PCNX3: variants seen among roughly 807,000 people sequenced by gnomAD.
The protein encoded by PCNX3 is pecanex-like protein 3.
Under a neutral mutation model 207.2 loss-of-function variants are expected in PCNX3, and 58 were observed. The ratio of observed to expected loss-of-function variants is 0.28; its 90% CI spans 0.23 to 0.35. The LOEUF is 0.35. Among genes scored for constraint, PCNX3 ranks in the 10% least tolerant of loss-of-function variants. The pLI, the probability that PCNX3 is intolerant of heterozygous loss-of-function variation, is 1.00. For synonymous variants in PCNX3, 1,337 were observed against 1,183.5 expected (o/e 1.13, Z -2.66); for missense variants, 2,410 against 2,774.4 (o/e 0.87, Z 2.95).
intron 27 of PCNX3, among the ~76,000 whole-genome samples, chr11:65,632,315 G>C (rs1277393275): frequency 2.0e-5 from 3 of 151,784 alleles, no homozygotes; most frequent in Non-Finnish European, 4.4e-5. Context: ...GGTGGGGCGG[G>C]GGGAGGCGGG....
At position 65,636,877 on chromosome 11, in the gene PCNX3, C is replaced by T; in HGVS notation, c.6004C>T (p.Pro2002Ser). ...QDIPCLDSSA[P>S]ESGTPMGALG... Reference sequence around the variant, plus strand: ...CATTCCTTGCTTGGACAGCAGTGCCCCTGAGAGTGGCACACCTATGGGTGC... The same window carrying T: ...CATTCCTTGCTTGGACAGCAGTGCCTCTGAGAGTGGCACACCTATGGGTGC... Residue 2002 changes from proline (P) to serine (S), a missense_variant, in exon 35 of 35, where the codon CCT (proline) becomes TCT (serine). Physicochemically the swap from Pro to Ser is moderately conservative, Grantham distance 74 (BLOSUM62 -1). This residue lies in a region of PCNX3 where 278 missense variants were observed against 245.1 expected (regional missense o/e 1.13). Coordinates refer to ENST00000355703, the MANE Select transcript of PCNX3 (RefSeq NM_032223.4). 1 of 1,552,536 alleles carries T rather than the reference C, an allele frequency of 6.4e-7. No individual in the cohort carries two copies. Among genetic ancestry groups the T allele is most frequent in the Non-Finnish European group, 8.7e-7 (1 of 1,147,804 alleles).
chr11:65,629,405 C>G lies in PCNX3; in HGVS notation c.3990C>G (p.Asp1330Glu), dbSNP rs375285938. 1.9e-6 allele frequency: 3 copies of G among 1,612,328 alleles called. No individual in the cohort carries two copies. The South Asian group carries it at 3.3e-5, about 18-fold the overall frequency. ...ACACCCGCCTGGTCACACAGCTGGA[C>G]AGGAACCCTGGTGTGTACCCAGCCA... ...HSNTRLVTQLDRNPGADDNNL... is the reference protein window; with the variant it reads ...HSNTRLVTQLERNPGADDNNL... The change falls in exon 25 of 35, where the codon GAC becomes GAG. Residue 1330 changes from aspartate to glutamate, a missense_variant. Coordinates refer to ENST00000355703, the MANE Select transcript of PCNX3 (RefSeq NM_032223.4).
At position 65,617,896 on chromosome 11, in the gene PCNX3, C is replaced by T. The variant is rs377443409; in HGVS notation, c.578-44C>T. The T allele has an allele frequency of 2.6e-6, 4 of 1,524,362 alleles. No individual in the cohort carries two copies. The East Asian group carries it at 7.0e-5, about 27-fold the overall frequency. 94.4% of individuals were successfully genotyped at this position (1,524,362 alleles called of 1,614,324 possible). A position where few individuals can be genotyped will look rare whatever the true frequency, so the allele number is the denominator to read the frequency against. The stretch of plus-strand genomic sequence containing the variant: ...CTCCCTTAACCACTAGTTTGTTTTG[C>T]AGAAAACCCTTTTTTCATTTTCTGT... On this transcript the variant is annotated intron_variant, in intron 5 of 34. Coordinates refer to ENST00000355703, the MANE Select transcript of PCNX3 (RefSeq NM_032223.4).
intron 11 of PCNX3, among the ~76,000 whole-genome samples, chr11:65,622,694 C>T (rs1394367172): frequency 6.6e-6 from 1 of 152,190 alleles, no homozygotes; most frequent in African/African-American, 2.4e-5. Flanking sequence ...CTCCCAGGTT[C>T]ACGCCATTCT....
Position 65,628,637 on chromosome 11 carries a change from A to C in PCNX3, c.3745A>C (p.Ile1249Leu), listed in dbSNP as rs1565166963. The change falls in exon 23 of 35, where the codon ATC (isoleucine) becomes CTC (leucine). Residue 1249 changes from isoleucine to leucine, a missense_variant. Ile to Leu is a conservative substitution (Grantham distance 5). This residue lies in a region of PCNX3 where 420 missense variants were observed against 705.3 expected (regional missense o/e 0.60). Coordinates refer to ENST00000355703, the MANE Select transcript of PCNX3 (RefSeq NM_032223.4). ...CAAGCTGCGTTTCGTGCTGACCTAC[A>C]TCGCGCCCTGGCAGATCACCTGGGG... ...LYKLRFVLTY[I>L]APWQITWGSA... 1 of 1,613,556 alleles carries C rather than the reference A, an allele frequency of 6.2e-7. No individual in the cohort carries two copies. Among genetic ancestry groups the C allele is most frequent in the Admixed American group, 1.7e-5 (1 of 60,010 alleles).
chr11:65,623,005 AG>A (rs1326315688), intron 11 of PCNX3, among the ~76,000 whole-genome samples: 3 of 151,698 alleles, frequency 2.0e-5, no homozygotes, highest in African/African-American at 7.3e-5. Context: ...CATTTCTCAG[AG>A]GGGACACAGA....
intron 11 of PCNX3, 48 bp downstream of exon 11, chr11:65,622,414 C>T: frequency 6.4e-7 from 1 of 1,555,556 alleles, no homozygotes; most frequent in South Asian, 1.2e-5. Flanking sequence ...AGCCCCTGGA[C>T]CTTGGCTCCC....
At position 65,630,547 on chromosome 11, in the gene PCNX3, T is replaced by G. The variant is rs550092464; in HGVS notation, c.4413T>G (p.Ala1471=). ...GCTATAGCATTAGTGACAATAATGC[T>G]GCCTCCATGCTGCAGGTTTTCGACC... ...LEGYSISDNN[A]ASMLQVFDLR... The change falls in exon 27 of 35, where the codon GCT becomes GCG. Residue 1471 remains alanine, a synonymous_variant. Coordinates refer to ENST00000355703, the MANE Select transcript of PCNX3 (RefSeq NM_032223.4). 6.2e-7 allele frequency: 1 copy of G among 1,613,314 alleles called. No homozygotes were observed. Among genetic ancestry groups the G allele is most frequent in the Non-Finnish European group, 8.5e-7 (1 of 1,179,626 alleles).
At chr11:65,620,787 A>G (rs1354316949) in intron 9 of PCNX3, 44 bp from the exon 10 acceptor site, 1 of 1,578,360 alleles carries the variant, frequency 6.3e-7, no homozygotes. Context: ...ACCCAGCCCC[A>G]GGGCTCGCCC....
chr11:65,628,431 G>A (rs1028962888), intron 22 of PCNX3, among the ~76,000 whole-genome samples, 164 bp from the exon 23 acceptor site: 4 of 152,138 alleles, frequency 2.6e-5, no homozygotes, highest in African/African-American at 4.8e-5. Context: ...GGCATCAGGC[G>A]CCTTGAGCCA....
rs376762933 is a variant in PCNX3, at chr11:65,625,769, G to T, written c.3228+25G>T. 4.6e-5 allele frequency: 74 copies of T among 1,603,258 alleles called. 1 individual carries two copies. The South Asian group carries it at 6.9e-4, about 15-fold the overall frequency. ...GGTTTGTGTGGCATGGGCCGCTGCTGCCTCTCGCTGTCTTGGCGGGAGCCT... is the reference window on the plus strand; with the variant it reads ...GGTTTGTGTGGCATGGGCCGCTGCTTCCTCTCGCTGTCTTGGCGGGAGCCT... On this transcript the variant is annotated intron_variant, in intron 19 of 34. Coordinates refer to ENST00000355703, the MANE Select transcript of PCNX3 (RefSeq NM_032223.4). The surrounding 1 kb of genome is among the most constrained non-coding windows in gnomAD (Gnocchi z 5.6).
chr11:65,624,682 C>A, intron 15 of PCNX3, 101 bp downstream of exon 15: 1 of 1,133,396 alleles, frequency 8.8e-7, no homozygotes, highest in Non-Finnish European at 1.3e-6. Context: ...CCTTCTCCTG[C>A]GTCTGTACTG....
chr11:65,621,414 A>G (rs943491322), intron 10 of PCNX3, among the ~76,000 whole-genome samples: 3 of 152,160 alleles, frequency 2.0e-5, no homozygotes, highest in Non-Finnish European at 4.4e-5. Flanking sequence ...TAAGAATATC[A>G]CAGTTTGGAC....
In PCNX3 at chr11:65,618,598, G is replaced by A; in HGVS notation, c.1236G>A (p.Leu412=). 6.2e-7 allele frequency: 1 copy of A among 1,612,278 alleles called. No individual in the cohort carries two copies. The highest frequency in any genetic ancestry group is 8.5e-7 in the Non-Finnish European group (1 of 1,179,810). The stretch of plus-strand genomic sequence containing the variant: ...CTGGCCGTGCCCCTCGACGGCCCCT[G>A]CTTGAAGGTGGGGGCTTCTTTGAGG... ...SPPGRAPRRP[L]LEGGGFFEDE... Residue 412 remains leucine (L), a synonymous_variant, in exon 6 of 35, where the codon CTG becomes CTA. Coordinates refer to ENST00000355703, the MANE Select transcript of PCNX3 (RefSeq NM_032223.4).
chr11:65,620,701 C>G, intron 9 of PCNX3, 130 bp from the exon 10 acceptor site: 1 of 1,276,876 alleles, frequency 7.8e-7, no homozygotes, highest in Middle Eastern at 2.0e-4. Flanking sequence ...CTGACCCCAG[C>G]ACTTGTCCCT....
At position 65,620,824 on chromosome 11, in the gene PCNX3, C is replaced by G; in HGVS notation, c.2100-7C>G. 1.3e-6 allele frequency: 2 copies of G among 1,594,856 alleles called. No homozygotes were observed. The highest frequency in any genetic ancestry group is 1.7e-6 in the Non-Finnish European group (2 of 1,171,846). ...TGGGGGGATCCTGATGGCTGCTGTT[C>G]TCACAGGGACCGACACTCGCATTCC... On this transcript the variant is annotated splice_region_variant and splice_polypyrimidine_tract_variant and intron_variant, in intron 9 of 34. Transcript: ENST00000355703.
In PCNX3 at chr11:65,618,280, C is replaced by G; in HGVS notation, c.918C>G (p.Asp306Glu). 1.9e-6 allele frequency: 3 copies of G among 1,610,344 alleles called. No individual in the cohort carries two copies. The highest frequency in any genetic ancestry group is 2.5e-6 in the Non-Finnish European group (3 of 1,178,150). The change falls in exon 6 of 35, where the codon GAC (aspartate) becomes GAG (glutamate). Residue 306 changes from aspartate to glutamate, a missense_variant. Physicochemically the swap from Asp to Glu is conservative, Grantham distance 45. Coordinates refer to ENST00000355703, the MANE Select transcript of PCNX3 (RefSeq NM_032223.4). Reference sequence around the variant, plus strand: ...CAGACTCCTGCTTCAGCGGCACTGACAGGGAGACATTGAGCAGCTTCAAGA... The same window carrying G: ...CAGACTCCTGCTTCAGCGGCACTGAGAGGGAGACATTGAGCAGCTTCAAGA... Reference protein sequence around the residue: ...GSSDSCFSGTDRETLSSFKSE... With the variant: ...GSSDSCFSGTERETLSSFKSE...
intron 12 of PCNX3, 108 bp downstream of exon 12, chr11:65,623,752 T>G (rs1855233178): frequency 6.5e-7 from 1 of 1,535,082 alleles, no homozygotes; most frequent in South Asian, 1.2e-5. Context: ...ATAATTTGTC[T>G]AAGGTTCCCT....
At position 65,619,597 on chromosome 11, in the gene PCNX3, G is replaced by T; in HGVS notation, c.1766G>T (p.Arg589Leu). The T allele has an allele frequency of 6.2e-7, 1 of 1,607,378 alleles. No individual in the cohort carries two copies. Among genetic ancestry groups the T allele is most frequent in the Non-Finnish European group, 8.5e-7 (1 of 1,178,930 alleles). Residue 589 changes from arginine to leucine, a missense_variant, in exon 7 of 35, where the codon CGG (arginine) becomes CTG (leucine). Physicochemically the swap from Arg to Leu is moderately radical, Grantham distance 102. Around this residue, in one of 8 missense-constraint regions of PCNX3, gnomAD observed 1,104 missense variants for 970.3 expected, o/e 1.14. Coordinates refer to ENST00000355703, the MANE Select transcript of PCNX3 (RefSeq NM_032223.4). ...AGTGTGAGGCGGACCCAGGCCATTC[G>T]GAGACGCCACAATGCAGGCAGCAAC... ...SSSVRRTQAI[R>L]RRHNAGSNPT...
Sources: allele counts gnomAD v4.1 joint callset (sites outside exome capture counted in the v4.1 genomes callset), GRCh38; gene constraint gnomAD v4.1.1; regional missense constraint gnomAD v4.1.1; non-coding constraint Gnocchi (gnomAD v3.1); transcripts MANE v1.5; gene names NCBI Gene and HGNC (gene_info 2026-07-23, HGNC 2026-07-21).